The following FNDC1 variants were observed in gnomAD, a reference collection of about 807,000 sequenced individuals.
FNDC1 encodes the protein fibronectin type III domain-containing protein 1.
A neutral mutation model predicts 168.0 loss-of-function variants in FNDC1; 96 were observed. That is an observed-to-expected ratio of 0.57 (90% CI 0.48 to 0.68). The LOEUF (loss-of-function observed/expected upper bound fraction) is 0.68. FNDC1 is among the 30% of genes least tolerant of loss of function. The pLI, the probability that FNDC1 is intolerant of heterozygous loss-of-function variation, is 0.00. For missense variants in FNDC1, 2,587 were observed against 2,482.1 expected, an observed-to-expected ratio of 1.04 and a Z score of -0.90; for synonymous variants, 1,099 against 1,025.9, an observed-to-expected ratio of 1.07 and a Z score of -1.36.
intron 5 of FNDC1, among the ~76,000 whole-genome samples, chr6:159,219,943 A>G (rs1381436114): frequency 2.6e-5 from 4 of 152,178 alleles, no homozygotes; most frequent in African/African-American, 9.7e-5. Flanking sequence ...CGAGTAATGA[A>G]CAGATCTGAA....
chr6:159,211,571 T>A (rs1376326628), intron 4 of FNDC1, among the ~76,000 whole-genome samples: 1 of 152,216 alleles, frequency 6.6e-6, no homozygotes, highest in African/African-American at 2.4e-5. Flanking sequence ...TGAAACATTT[T>A]TTTTTTTAGT....
chr6:159,232,372 T>G lies in FNDC1; in HGVS notation c.1860T>G (p.Pro620=). The stretch of plus-strand genomic sequence containing the variant: ...CGCCCCCCTCGGCTTCGGCCTCTCC[T>G]GCCCACCACGCGTCCACCCAGGGCA... ...PGAPPSASAS[P]AHHASTQGTS... The change falls in exon 11 of 23, where the codon CCT becomes CCG. Residue 620 remains proline (P), a synonymous_variant. Transcript: ENST00000297267. The surrounding 1 kb of genome is among the most constrained non-coding windows in gnomAD (Gnocchi z 4.9). 1.2e-6 allele frequency: 2 copies of G among 1,613,562 alleles called. No individual in the cohort carries two copies.
chr6:159,187,591 G>A (rs897974201), intron 1 of FNDC1, among the ~76,000 whole-genome samples: 3 of 152,108 alleles, frequency 2.0e-5, no homozygotes, highest in Non-Finnish European at 4.4e-5. Context: ...CCCAACAGCA[G>A]CCTCCTCGGG....
Position 159,232,348 on chromosome 6 carries a change from GC to G in FNDC1, c.1842del (p.Ser615ArgfsTer25). 1 of 1,613,432 alleles carries G rather than the reference GC, an allele frequency of 6.2e-7. No individual in the cohort carries two copies. Among genetic ancestry groups the G allele is most frequent in the Non-Finnish European group, 8.5e-7 (1 of 1,179,700 alleles). ...SLATQPRPGA[P>X]PSASASPAHH... ...TGGCCACGCAGCCCCGCCCAGGGGC[GC>G]CCCCCTCGGCTTCGGCCTCTCCTGC... On this transcript the variant is annotated frameshift_variant, in exon 11 of 23. Coordinates refer to ENST00000297267, the MANE Select transcript of FNDC1 (RefSeq NM_032532.3). LOFTEE classifies it high-confidence loss of function. The surrounding 1 kb of genome is among the most constrained non-coding windows in gnomAD (Gnocchi z 4.9).
Position 159,234,290 on chromosome 6 carries a change from C to G in FNDC1, c.3778C>G (p.Arg1260Gly). ...SSPRASHVPSRLPPRSAATVS... is the reference protein window; with the variant it reads ...SSPRASHVPSGLPPRSAATVS... ...CCCCAGGGCCTCCCACGTCCCTTCC[C>G]GACTGCCGCCTCGCAGCGCTGCCAC... The change falls in exon 11 of 23, where the codon CGA becomes GGA. Residue 1260 changes from arginine to glycine, a missense_variant. Arg to Gly is a moderately radical substitution (Grantham distance 125, BLOSUM62 -2). Coordinates refer to ENST00000297267, the MANE Select transcript of FNDC1 (RefSeq NM_032532.3). The G allele has an allele frequency of 6.2e-7, 1 of 1,602,560 alleles. No individual in the cohort carries two copies. Among genetic ancestry groups the G allele is most frequent in the Non-Finnish European group, 8.5e-7 (1 of 1,174,730 alleles).
At chr6:159,176,274 A>G (rs1052676906) in intron 1 of FNDC1, among the ~76,000 whole-genome samples, 1 of 152,188 alleles carries the variant, frequency 6.6e-6, no homozygotes, top group African/African-American at 2.4e-5. Context: ...AGGTCCATTC[A>G]TTCATTCATT....
intron 4 of FNDC1, among the ~76,000 whole-genome samples, chr6:159,200,981 G>C (rs955907158): frequency 2.6e-5 from 4 of 152,172 alleles, no homozygotes; most frequent in African/African-American, 9.6e-5. Flanking sequence ...TTCAAGTCTT[G>C]CTTTTTTCTT....
chr6:159,201,355 T>C (rs1397999734), intron 4 of FNDC1, among the ~76,000 whole-genome samples: 2 of 152,216 alleles, frequency 1.3e-5, no homozygotes. Flanking sequence ...TCAGACCAGA[T>C]TTGATAGTGT....
chr6:159,188,977 C>T (rs1782070049), intron 1 of FNDC1, among the ~76,000 whole-genome samples: 1 of 152,064 alleles, frequency 6.6e-6, no homozygotes, highest in Non-Finnish European at 1.5e-5. Context: ...GTCTTGAACT[C>T]CTGATCTCAG....
At chr6:159,217,081 A>C (rs1053361824) in intron 5 of FNDC1, among the ~76,000 whole-genome samples, 51 of 152,248 alleles carry the variant, frequency 3.3e-4, no homozygotes, top group African/African-American at 1.1e-3. Flanking sequence ...CTGAGAAGGC[A>C]GCCTGGCACC....
At chr6:159,187,017 A>G (rs1355058494) in intron 1 of FNDC1, among the ~76,000 whole-genome samples, 2 of 152,122 alleles carry the variant, frequency 1.3e-5, no homozygotes, top group Non-Finnish European at 2.9e-5. Flanking sequence ...ACCACGGGGA[A>G]TTTAGGTGGG....
At chr6:159,263,431 A>G (rs1379597300) in intron 19 of FNDC1, among the ~76,000 whole-genome samples, 1 of 152,208 alleles carries the variant, frequency 6.6e-6, no homozygotes, top group African/African-American at 2.4e-5. Flanking sequence ...TAAAAAAAGA[A>G]TGGTCCAGAT....
intron 4 of FNDC1, among the ~76,000 whole-genome samples, chr6:159,210,683 C>T (rs1008456797): frequency 2.6e-5 from 4 of 152,130 alleles, no homozygotes; most frequent in Admixed American, 6.5e-5. Context: ...GATGCAGGCT[C>T]GGGTGGCGTT....
chr6:159,185,730 C>A (rs78241010), intron 1 of FNDC1, among the ~76,000 whole-genome samples: 2,199 of 152,324 alleles, frequency 0.014, 50 homozygotes, highest in African/African-American at 0.05. Context: ...AAAATGCTTT[C>A]TGAGAAATGG....
intron 17 of FNDC1, among the ~76,000 whole-genome samples, chr6:159,253,907 C>G (rs564144413): frequency 1.3e-5 from 2 of 152,346 alleles, no homozygotes; most frequent in South Asian, 4.1e-4. Context: ...GTGTGACCTC[C>G]GTCCCCTCTG....
intron 1 of FNDC1, among the ~76,000 whole-genome samples, chr6:159,171,445 G>C (rs1781657915): frequency 6.6e-6 from 1 of 152,170 alleles, no homozygotes; most frequent in Admixed American, 6.5e-5. Flanking sequence ...GTCATGGATA[G>C]ACTGCTCCCT....
chr6:159,207,818 A>G (rs1782519785), intron 4 of FNDC1, among the ~76,000 whole-genome samples: 1 of 152,212 alleles, frequency 6.6e-6, no homozygotes, highest in Non-Finnish European at 1.5e-5. Flanking sequence ...ACAAATACAG[A>G]AGAACTTTAA....
intron 9 of FNDC1, among the ~76,000 whole-genome samples, chr6:159,227,040 C>T (rs147331931): frequency 4.6e-4 from 70 of 152,206 alleles, no homozygotes; most frequent in Admixed American, 7.2e-4. Context: ...CCCTATTTGT[C>T]ACCATTTGTT....
Position 159,233,494 on chromosome 6 carries a change from A to G in FNDC1, c.2982A>G (p.Arg994=). The G allele has an allele frequency of 6.2e-7, 1 of 1,604,384 alleles. No homozygotes were observed. Residue 994 remains arginine, a synonymous_variant, in exon 11 of 23, where the codon AGA becomes AGG. Transcript: ENST00000297267. This position sits in a 1 kb window ranked among gnomAD's most constrained non-coding sequence, Gnocchi z 4.6. Reference sequence around the variant, plus strand: ...CACAGCAGCATCCCAGTGTTCCCAGAAGGATGACACCCGGCCGGGCCCCAC... The same window carrying G: ...CACAGCAGCATCCCAGTGTTCCCAGGAGGATGACACCCGGCCGGGCCCCAC... The part of the protein sequence containing the change: ...ARSQQHPSVP[R]RMTPGRAPQQ...
Sources: allele counts gnomAD v4.1 joint callset (sites outside exome capture counted in the v4.1 genomes callset), GRCh38; gene constraint gnomAD v4.1.1; non-coding constraint Gnocchi (gnomAD v3.1); transcripts MANE v1.5; gene names NCBI Gene and HGNC (gene_info 2026-07-23, HGNC 2026-07-21).